The following TBC1D22A variants were observed in gnomAD, a reference collection of about 807,000 sequenced individuals.
The protein encoded by TBC1D22A is TBC1 domain family member 22A, also known as putative GTPase activator.
TBC1D22A carries 38 observed loss-of-function variants against 60.2 expected under a neutral mutation model. That is an observed-to-expected ratio of 0.63 (90% CI 0.49 to 0.83). The LOEUF (loss-of-function observed/expected upper bound fraction) is 0.83, where lower values mean the gene tolerates loss of function less well. TBC1D22A is among the 40% of genes least tolerant of loss of function. TBC1D22A has a pLI of 0.00. For synonymous variants in TBC1D22A, 302 were observed against 281.7 expected, an observed-to-expected ratio of 1.07 and a Z score of -0.72; for missense variants, 628 against 701.0, an observed-to-expected ratio of 0.90 and a Z score of 1.18.
At chr22:46,811,059 C>T (rs2085356003) in intron 4 of TBC1D22A, among the ~76,000 whole-genome samples, 1 of 152,174 alleles carries the variant, frequency 6.6e-6, no homozygotes, top group Non-Finnish European at 1.5e-5. Flanking sequence ...GCCTAATTAC[C>T]AAGTACCCTG....
chr22:46,944,683 C>T (rs2072418061), intron 8 of TBC1D22A, among the ~76,000 whole-genome samples: 3 of 152,224 alleles, frequency 2.0e-5, no homozygotes, highest in South Asian at 2.1e-4. Flanking sequence ...TAGGCGTGAG[C>T]CACCGTGCCC....
chr22:47,137,261 G>A (rs972738942), intron 12 of TBC1D22A, among the ~76,000 whole-genome samples: 4 of 152,154 alleles, frequency 2.6e-5, no homozygotes, highest in African/African-American at 9.7e-5. Context: ...AAGTTGCATT[G>A]ATCTTTTAAT....
At chr22:46,792,171 C>T (rs554965487) in intron 1 of TBC1D22A, among the ~76,000 whole-genome samples, 3 of 152,372 alleles carry the variant, frequency 2.0e-5, no homozygotes, top group Admixed American at 1.3e-4. Context: ...AGTTTTTAGT[C>T]TGTGGGCAGA....
At chr22:47,150,918 C>A (rs1318571411) in intron 12 of TBC1D22A, among the ~76,000 whole-genome samples, 2 of 152,230 alleles carry the variant, frequency 1.3e-5, no homozygotes, top group Non-Finnish European at 2.9e-5. Flanking sequence ...CTGTGGCCCT[C>A]ACGTGGCGTG....
chr22:46,854,182 T>G (rs1236303115), intron 4 of TBC1D22A, among the ~76,000 whole-genome samples: 1 of 152,216 alleles, frequency 6.6e-6, no homozygotes, highest in Non-Finnish European at 1.5e-5. Flanking sequence ...TGCACTGTCT[T>G]GGGATTTTGC....
chr22:46,824,132 A>G (rs934384362), intron 4 of TBC1D22A, among the ~76,000 whole-genome samples: 2 of 152,236 alleles, frequency 1.3e-5, no homozygotes, highest in African/African-American at 2.4e-5. Flanking sequence ...TGTCAATGAG[A>G]TAACTTACAC....
At chr22:47,080,108 G>T (rs1273114014) in intron 11 of TBC1D22A, among the ~76,000 whole-genome samples, 1 of 152,072 alleles carries the variant, frequency 6.6e-6, no homozygotes, top group African/African-American at 2.4e-5. Context: ...GTGTTAACAG[G>T]ACTTCTAATT....
chr22:47,071,222 T>C (rs1029639941), intron 11 of TBC1D22A, among the ~76,000 whole-genome samples: 6 of 152,240 alleles, frequency 3.9e-5, no homozygotes, highest in South Asian at 2.1e-4. Flanking sequence ...CGCCTATCAC[T>C]GTCATCCACA....
chr22:47,167,128 C>G (rs1472674777), intron 12 of TBC1D22A, among the ~76,000 whole-genome samples: 1 of 152,230 alleles, frequency 6.6e-6, no homozygotes, highest in Non-Finnish European at 1.5e-5. Flanking sequence ...CCAACGATGA[C>G]CACGTTCGTC....
chr22:46,940,991 A>G (rs560652284), intron 8 of TBC1D22A, among the ~76,000 whole-genome samples: 2 of 134,020 alleles, frequency 1.5e-5, no homozygotes, highest in South Asian at 5.1e-4. Context: ...GTATGTATGT[A>G]TATATACACA....
At chr22:46,917,610 T>C (rs1252346306) in intron 8 of TBC1D22A, among the ~76,000 whole-genome samples, 1 of 152,146 alleles carries the variant, frequency 6.6e-6, no homozygotes, top group Non-Finnish European at 1.5e-5. Context: ...CTGAGTGTGC[T>C]CTGTCGGCAG....
In TBC1D22A at chr22:46,912,146, C is replaced by A; in HGVS notation, c.973C>A (p.Leu325Ile). ...TGGATACGTTCAGGGTATAAATGAT[C>A]TCGTCACTCCTTTCTTTGTGGTCTT... ...ASGYVQGIND[L>I]VTPFFVVFIC... is the part of the protein sequence containing the mutation. The change falls in exon 8 of 13, where the codon CTC becomes ATC. Residue 325 changes from leucine (L) to isoleucine (I), a missense_variant. By Grantham distance (5) the Leu-to-Ile change is conservative. Transcript: ENST00000337137. The A allele has an allele frequency of 6.2e-7, 1 of 1,613,982 alleles. No homozygotes were observed. Among genetic ancestry groups the A allele is most frequent in the Non-Finnish European group, 8.5e-7 (1 of 1,179,962 alleles).
At chr22:46,971,552 A>C (rs2074059366) in intron 8 of TBC1D22A, among the ~76,000 whole-genome samples, 1 of 152,220 alleles carries the variant, frequency 6.6e-6, no homozygotes, top group South Asian at 2.1e-4. Flanking sequence ...CTGTTTTCCC[A>C]GGGAGGAAGT....
chr22:46,985,429 G>A (rs2074686324), intron 9 of TBC1D22A, among the ~76,000 whole-genome samples: 1 of 152,116 alleles, frequency 6.6e-6, no homozygotes, highest in African/African-American at 2.4e-5. Flanking sequence ...ATTTTAGAAA[G>A]GTTTATTAAA....
chr22:46,839,016 T>G (rs140513231), intron 4 of TBC1D22A, among the ~76,000 whole-genome samples: 1 of 152,210 alleles, frequency 6.6e-6, no homozygotes, highest in East Asian at 1.9e-4. Context: ...AATTAGACAG[T>G]AAAAAGAAAT....
intron 5 of TBC1D22A, 50 bp from the exon 6 acceptor site, chr22:46,891,216 T>C: frequency 5.8e-6 from 9 of 1,542,460 alleles, no homozygotes; most frequent in Non-Finnish European, 7.8e-6. Context: ...TAATAGGGAC[T>C]CCATGAATTA....
At chr22:47,163,162 CG>C in intron 12 of TBC1D22A, among the ~76,000 whole-genome samples, 1 of 152,088 alleles carries the variant, frequency 6.6e-6, no homozygotes, top group Non-Finnish European at 1.5e-5. Flanking sequence ...CCCCCCCGCC[CG>C]GCCCCTGGCT....
At chr22:46,968,919 C>T (rs1442906533) in intron 8 of TBC1D22A, among the ~76,000 whole-genome samples, 1 of 152,190 alleles carries the variant, frequency 6.6e-6, no homozygotes, top group Admixed American at 6.5e-5. Flanking sequence ...ATTCATCCAC[C>T]CGTCTACCCA....
At position 47,164,014 on chromosome 22, in the gene TBC1D22A, C is replaced by T. The variant is rs539233225; in HGVS notation, c.1426-9484C>T. On this transcript the variant is annotated intron_variant, in intron 12 of 12. Transcript: ENST00000337137. ...TCCAAGGCCCATGCTTTTCCTTGTA[C>T]GAAGCAGCCATCACCGCGCCAGGTA... 5.3e-5 allele frequency among the ~76,000 whole-genome samples: 8 copies of T among 152,328 alleles called. No homozygotes were observed. The East Asian group carries it at 5.8e-4, about 11-fold the overall frequency.
Sources: allele counts gnomAD v4.1 joint callset (sites outside exome capture counted in the v4.1 genomes callset), GRCh38; gene constraint gnomAD v4.1.1; transcripts MANE v1.5; gene names NCBI Gene and HGNC (gene_info 2026-07-23, HGNC 2026-07-21).